Variants in SACS observed in about 807,000 individuals in gnomAD.
SACS encodes the protein sacsin.
In SACS, 197 loss-of-function variants were observed where a neutral mutation model predicts 348.0. That is an observed-to-expected ratio of 0.57 (90% CI 0.50 to 0.64). The LOEUF (loss-of-function observed/expected upper bound fraction) is 0.64, where lower values mean the gene tolerates loss of function less well. SACS is among the 30% of genes least tolerant of loss of function. The pLI is 0.00. For synonymous variants in SACS, 1,985 were observed against 1,910.6 expected (o/e 1.04, Z -1.02); for missense variants, 4,999 against 5,360.8 (o/e 0.93, Z 2.11).
At chr13:23,378,121 C>A (rs1871888443) in intron 2 of SACS, among the ~76,000 whole-genome samples, 1 of 152,178 alleles carries the variant, frequency 6.6e-6, no homozygotes, top group Non-Finnish European at 1.5e-5. Flanking sequence ...CCCTAGAGTG[C>A]TGTACAAAAT....
Position 23,339,901 on chromosome 13 carries a change from C to G in SACS, c.3975G>C (p.Glu1325Asp), listed in dbSNP as rs547483320. Residue 1325 changes from glutamate (E) to aspartate (D), a missense_variant, in exon 10 of 10, where the codon GAG (glutamate) becomes GAC (aspartate). Glu to Asp is a conservative substitution (Grantham distance 45, BLOSUM62 2). Around this residue, in one of 6 missense-constraint regions of SACS, gnomAD observed 3,156 missense variants for 3,380.1 expected, o/e 0.93. Coordinates refer to ENST00000382292, the MANE Select transcript of SACS (RefSeq NM_014363.6). Reference protein sequence around the residue: ...HQLFKVCGSIEELTSDHISMV... With the variant: ...HQLFKVCGSIDELTSDHISMV... ...TGGAAATATGATCTGATGTCAACTCCTCTATTGAACCACAGACCTTAAATA... is the reference window on the plus strand; with the variant it reads ...TGGAAATATGATCTGATGTCAACTCGTCTATTGAACCACAGACCTTAAATA... 2 of 1,613,892 alleles carry G rather than the reference C, an allele frequency of 1.2e-6. No individual in the cohort carries two copies. The highest frequency in any genetic ancestry group is 2.2e-5 in the East Asian group (1 of 44,880).
At chr13:23,354,296 C>G (rs933480603) in intron 8 of SACS, among the ~76,000 whole-genome samples, 2 of 152,150 alleles carry the variant, frequency 1.3e-5, no homozygotes, top group Admixed American at 6.5e-5. Flanking sequence ...CCAAGAAAAA[C>G]AGCTGCTTAG....
In SACS at chr13:23,368,860, A is replaced by G. The variant is rs538448174; in HGVS notation, c.260-373T>C. Reference sequence around the variant, plus strand: ...ACTACAGGTGCCCACCACCATGCCCAGCTAATTTTTTTGTATTTTTAGTAG... The same window carrying G: ...ACTACAGGTGCCCACCACCATGCCCGGCTAATTTTTTTGTATTTTTAGTAG... On this transcript the variant is annotated intron_variant, in intron 4 of 9. Coordinates refer to ENST00000382292, the MANE Select transcript of SACS (RefSeq NM_014363.6). Among the ~76,000 whole-genome samples, 148 of 152,100 alleles carry G rather than the reference A, an allele frequency of 9.7e-4. 1 individual carries two copies. Among genetic ancestry groups the G allele is most frequent in the African/African-American group, 3.2e-3 (134 of 41,516 alleles).
Position 23,419,707 on chromosome 13 carries a change from G to A in SACS, c.-501-7967C>T, listed in dbSNP as rs959829343. Among the ~76,000 whole-genome samples, 11 of 152,266 alleles carry A rather than the reference G, an allele frequency of 7.2e-5. No homozygotes were observed. In the East Asian group the frequency reaches 1.3e-3, roughly 19 times the overall value. On this transcript the variant is annotated intron_variant, in intron 1 of 9. Transcript: ENST00000382292. ...GGACTAGTTGAGCAGCATTGCACTC[G>A]TGTTGGTTGTGGGAGTTTCATCGTT...
chr13:23,400,504 T>C (rs1254547889), intron 2 of SACS, among the ~76,000 whole-genome samples: 1 of 152,202 alleles, frequency 6.6e-6, no homozygotes, highest in Non-Finnish European at 1.5e-5. Context: ...CACTGCAAGC[T>C]CCGCCTCCTG....
intron 2 of SACS, among the ~76,000 whole-genome samples, chr13:23,403,235 C>T (rs574498884): frequency 1.3e-5 from 2 of 152,024 alleles, no homozygotes; most frequent in South Asian, 2.1e-4. Context: ...AAAAAACTCA[C>T]GTCTCTGCCA....
intron 1 of SACS, among the ~76,000 whole-genome samples, chr13:23,420,973 G>A (rs766869399): frequency 6.6e-5 from 10 of 152,088 alleles, no homozygotes; most frequent in Admixed American, 2.0e-4. Context: ...TCCACCAGGA[G>A]CCTAATGTCC....
chr13:23,398,534 CAAAAAAA>C (rs59868515), intron 2 of SACS, among the ~76,000 whole-genome samples: 11 of 102,204 alleles, frequency 1.1e-4, no homozygotes, highest in African/African-American at 2.5e-4. Context: ...AACTCCGTCT[CAAAAAAA>C]AAAAAAAAAA....
intron 1 of SACS, among the ~76,000 whole-genome samples, chr13:23,412,245 G>C (rs1453925170): frequency 6.6e-6 from 1 of 152,078 alleles, no homozygotes; most frequent in Non-Finnish European, 1.5e-5. Flanking sequence ...CTGGGCAACA[G>C]AGCCAGATTC....
intron 3 of SACS, among the ~76,000 whole-genome samples, chr13:23,374,833 T>C (rs1871637061): frequency 6.6e-6 from 1 of 151,984 alleles, no homozygotes; most frequent in Non-Finnish European, 1.5e-5. Flanking sequence ...ATCACTTCAT[T>C]GATGATGTCT....
intron 1 of SACS, among the ~76,000 whole-genome samples, chr13:23,418,473 A>T (rs1330845524): frequency 6.6e-6 from 1 of 151,950 alleles, no homozygotes; most frequent in East Asian, 1.9e-4. Flanking sequence ...TTCTCATCTG[A>T]TGTTTCCACA....
At position 23,331,339 on chromosome 13, in the gene SACS, TC is replaced by T. The variant is rs2137557859; in HGVS notation, c.12536del (p.Gly4179GlufsTer43). 6.2e-7 allele frequency: 1 copy of T among 1,613,982 alleles called. No individual in the cohort carries two copies. The highest frequency in any genetic ancestry group is 8.5e-7 in the Non-Finnish European group (1 of 1,179,966). On this transcript the variant is annotated frameshift_variant, in exon 10 of 10. Transcript: ENST00000382292. LOFTEE classifies it high-confidence loss of function. ...LMDPMNVFYP[G>X]EYVGYLVDAE... is the part of the protein sequence containing the mutation. The stretch of plus-strand genomic sequence containing the variant: ...CATCAACAAGGTACCCAACATATTC[TC>T]CCGGGTAAAAAACATTCATTGGGTC...
At chr13:23,402,761 T>G (rs1328441519) in intron 2 of SACS, among the ~76,000 whole-genome samples, 2 of 152,170 alleles carry the variant, frequency 1.3e-5, no homozygotes, top group Non-Finnish European at 2.9e-5. Context: ...AGAAGGTCAT[T>G]TTCTGGCAGG....
chr13:23,367,697 G>GATTCTCCTGCCTC (rs1871143916), intron 5 of SACS, among the ~76,000 whole-genome samples: 1 of 152,064 alleles, frequency 6.6e-6, no homozygotes. Context: ...GGGTTCAAGC[G>GATTCTCCTGCCTC]ATTCTCCTGC....
intron 1 of SACS, among the ~76,000 whole-genome samples, chr13:23,415,781 A>G (rs1873668868): frequency 6.6e-6 from 1 of 152,226 alleles, no homozygotes; most frequent in African/African-American, 2.4e-5. Flanking sequence ...ACAAATAGAG[A>G]ATAACTTTAA....
In SACS at chr13:23,346,086, G is replaced by A. The variant is rs148476434; in HGVS notation, c.2186-4396C>T. On this transcript the variant is annotated intron_variant, in intron 9 of 9. Transcript: ENST00000382292. ...ACTCCAAAACAGAAAGGCTGTGGTCGCCTAACTTCACAGTCACAGATCCCA... is the reference window on the plus strand; with the variant it reads ...ACTCCAAAACAGAAAGGCTGTGGTCACCTAACTTCACAGTCACAGATCCCA... 9.2e-3 allele frequency among the ~76,000 whole-genome samples: 1,394 copies of A among 152,176 alleles called. 24 individuals carry two copies. The highest frequency in any genetic ancestry group is 0.032 in the African/African-American group (1,327 of 41,512).
intron 1 of SACS, among the ~76,000 whole-genome samples, chr13:23,411,985 C>T (rs1247470629): frequency 1.3e-5 from 2 of 152,192 alleles, no homozygotes; most frequent in Non-Finnish European, 2.9e-5. Context: ...ATCGGCCGGG[C>T]GCGGTGGCTC....
chr13:23,375,100 G>A lies in SACS; in HGVS notation c.171+19C>T, dbSNP rs1438551853. On this transcript the variant is annotated intron_variant, in intron 3 of 9. Coordinates refer to ENST00000382292, the MANE Select transcript of SACS (RefSeq NM_014363.6). Reference sequence around the variant, plus strand: ...TCCGCGTGGCGGAGCCCAGCCCAGCGCCCCCGGCCACCGCCTACCTCGCGG... The same window carrying A: ...TCCGCGTGGCGGAGCCCAGCCCAGCACCCCCGGCCACCGCCTACCTCGCGG... 2 of 1,485,254 alleles carry A rather than the reference G, an allele frequency of 1.3e-6. No homozygotes were observed. The highest frequency in any genetic ancestry group is 2.4e-5 in the Admixed American group (1 of 42,044). The allele number at this position is 1,485,254 out of a possible 1,614,324, so 92.0% of individuals were successfully genotyped here.
intron 9 of SACS, among the ~76,000 whole-genome samples, chr13:23,349,487 C>T (rs1009979561): frequency 1.3e-5 from 2 of 152,068 alleles, no homozygotes; most frequent in African/African-American, 4.8e-5. Context: ...TATTAAGTGC[C>T]GGATATTATG....
Sources: gnomAD v4.1 joint callset for allele counts (sites outside exome capture counted in the v4.1 genomes callset) on GRCh38, gnomAD v4.1.1 for gene constraint, gnomAD v4.1.1 regional missense constraint, MANE v1.5 for transcripts, NCBI Gene and HGNC (gene_info 2026-07-23, HGNC 2026-07-21) for gene names.